Variants in XKR6 observed in about 807,000 individuals in gnomAD.
The protein encoded by XKR6 is XK-related protein 6.
In XKR6, 22 loss-of-function variants were observed where a neutral mutation model predicts 56.7. The ratio of observed to expected loss-of-function variants is 0.39; its 90% CI spans 0.28 to 0.55. XKR6 has a LOEUF of 0.55. Among genes scored for constraint, XKR6 ranks in the 20% least tolerant of loss-of-function variants. The pLI is 0.66. For synonymous variants in XKR6, 524 were observed against 387.8 expected (o/e 1.35, Z -4.13); for missense variants, 852 against 889.0 (o/e 0.96, Z 0.53).
intron 1 of XKR6, 83 bp from the exon 2 acceptor site, chr8:10,924,913 A>T: frequency 7.0e-7 from 1 of 1,430,128 alleles, no homozygotes; most frequent in Admixed American, 2.0e-5. Flanking sequence ...CCTAAAACCA[A>T]GAGACTCAGC....
chr8:10,981,157 C>A (rs1797725685), intron 1 of XKR6, among the ~76,000 whole-genome samples: 2 of 152,198 alleles, frequency 1.3e-5, no homozygotes, highest in Admixed American at 6.5e-5. Flanking sequence ...TGCTAGTGAG[C>A]AAAGGAACAG....
intron 2 of XKR6, among the ~76,000 whole-genome samples, chr8:10,904,031 G>A (rs1038517721): frequency 1.3e-5 from 2 of 152,200 alleles, no homozygotes; most frequent in African/African-American, 4.8e-5. Flanking sequence ...GAAGCCCCCA[G>A]TGAAATTCCT....
At chr8:11,128,540 C>A (rs1366707970) in intron 1 of XKR6, among the ~76,000 whole-genome samples, 1 of 152,206 alleles carries the variant, frequency 6.6e-6, no homozygotes, top group Non-Finnish European at 1.5e-5. Context: ...TTAAGTGGGA[C>A]TGCAGGAAAG....
intron 1 of XKR6, among the ~76,000 whole-genome samples, chr8:11,146,208 A>G (rs917470503): frequency 1.3e-5 from 2 of 152,272 alleles, no homozygotes; most frequent in African/African-American, 4.8e-5. Context: ...GTAATGTAAA[A>G]TGGATCACAG....
chr8:10,997,708 A>C (rs1188324337), intron 1 of XKR6, among the ~76,000 whole-genome samples: 3 of 152,166 alleles, frequency 2.0e-5, no homozygotes, highest in African/African-American at 7.2e-5. Context: ...GCTGGCAACT[A>C]AAACTACTAG....
At position 11,201,387 on chromosome 8, in the gene XKR6, G is replaced by C. The variant is rs765145805; in HGVS notation, c.-48C>G. 2.3e-5 allele frequency: 26 copies of C among 1,123,738 alleles called. No homozygotes were observed. The Admixed American group carries it at 2.8e-4, about 12-fold the overall frequency. 69.6% of individuals were successfully genotyped at this position (1,123,738 alleles called of 1,614,324 possible). A position where few individuals can be genotyped will look rare whatever the true frequency, so the allele number is the denominator to read the frequency against. On this transcript the variant is annotated 5_prime_UTR_variant, in exon 1 of 3. Coordinates refer to ENST00000416569, the MANE Select transcript of XKR6 (RefSeq NM_173683.4). Reference sequence around the variant, plus strand: ...GAGGTTGGGGGGGAGGGACGGCGGGGGGGGGGGGAAGAAGGCAGGGAACGG... The same window carrying C: ...GAGGTTGGGGGGGAGGGACGGCGGGCGGGGGGGGAAGAAGGCAGGGAACGG...
chr8:11,122,149 C>A (rs1322886448), intron 1 of XKR6, among the ~76,000 whole-genome samples: 1 of 152,218 alleles, frequency 6.6e-6, no homozygotes, highest in Non-Finnish European at 1.5e-5. Context: ...CAGTCTCTTT[C>A]AGTGATCTTA....
At chr8:10,945,288 A>G (rs1360426111) in intron 1 of XKR6, among the ~76,000 whole-genome samples, 1 of 152,218 alleles carries the variant, frequency 6.6e-6, no homozygotes, top group Non-Finnish European at 1.5e-5. Context: ...GTTCGACACC[A>G]GCCTGGTCAA....
chr8:10,898,414 G>A lies in XKR6; in HGVS notation c.1464C>T (p.Ile488=), dbSNP rs372480144. 7.4e-5 allele frequency: 119 copies of A among 1,613,850 alleles called. No homozygotes were observed. The highest frequency in any genetic ancestry group is 3.3e-4 in the Middle Eastern group (2 of 6,084). The change falls in exon 3 of 3, where the codon ATC becomes ATT. Residue 488 remains isoleucine, a synonymous_variant. Transcript: ENST00000416569. The surrounding 1 kb of genome is among the most constrained non-coding windows in gnomAD (Gnocchi z 6.6). ...CCVFISFVAG[I]AMMLLYYGVL... is the part of the protein sequence containing the mutation. ...CGCCATAGTATAAGAGCATCATTGC[G>A]ATCCCAGCCACAAAGCTAATAAAGA...
chr8:11,145,447 A>G (rs544285898), intron 1 of XKR6, among the ~76,000 whole-genome samples: 1 of 152,308 alleles, frequency 6.6e-6, no homozygotes, highest in African/African-American at 2.4e-5. Context: ...ACTTATTTGT[A>G]GATGACATGA....
In XKR6 at chr8:11,042,160, A is replaced by T. The variant is rs140752674; in HGVS notation, c.765-117330T>A. 7.3e-3 allele frequency among the ~76,000 whole-genome samples: 1,110 copies of T among 152,142 alleles called. 16 individuals carry two copies. The highest frequency in any genetic ancestry group is 0.026 in the African/African-American group (1,062 of 41,484). ...CCTTCTTCACTCTTCACATCACAGC[A>T]GGACTGTGGCAGTTTATCACAGGTC... is the stretch of plus-strand genomic sequence containing the variant. On this transcript the variant is annotated intron_variant, in intron 1 of 2. Transcript: ENST00000416569.
rs1280815144 is a variant in XKR6 at position 10,897,791 on chromosome 8, TA to T, written c.*160del. On this transcript the variant is annotated 3_prime_UTR_variant, in exon 3 of 3. Transcript: ENST00000416569. ...AAGCTTATTTGAAGGGGTTGTGACT[TA>T]TTAATTCTTTTTTTTTTGTAGTGGT... 5.7e-6 allele frequency: 5 copies of T among 871,710 alleles called. No individual in the cohort carries two copies. The highest frequency in any genetic ancestry group is 8.3e-6 in the Non-Finnish European group (5 of 601,568). 54.0% of individuals were successfully genotyped at this position (871,710 alleles called of 1,614,324 possible). A position where few individuals can be genotyped will look rare whatever the true frequency, so the allele number is the denominator to read the frequency against.
chr8:11,200,502 C>T lies in XKR6; in HGVS notation c.764+74G>A. 2 of 1,367,958 alleles carry T rather than the reference C, an allele frequency of 1.5e-6. No individual in the cohort carries two copies. The highest frequency in any genetic ancestry group is 1.9e-6 in the Non-Finnish European group (2 of 1,068,026). The allele number at this position is 1,367,958 out of a possible 1,614,324, so 84.7% of individuals were successfully genotyped here. A position where few individuals can be genotyped will look rare whatever the true frequency, so the allele number is the denominator to read the frequency against. On this transcript the variant is annotated intron_variant, in intron 1 of 2. Coordinates refer to ENST00000416569, the MANE Select transcript of XKR6 (RefSeq NM_173683.4). The surrounding 1 kb of genome is among the most constrained non-coding windows in gnomAD (Gnocchi z 6.4). ...CCCGCGCTGGGCCCTTTCGAGGGGCCGCCCCGCGAAGCACCGGGAGGGCGG... is the reference window on the plus strand; with the variant it reads ...CCCGCGCTGGGCCCTTTCGAGGGGCTGCCCCGCGAAGCACCGGGAGGGCGG...
At chr8:10,984,732 C>CTCTCTCTCTCTATATATATATA in intron 1 of XKR6, among the ~76,000 whole-genome samples, 64 of 47,458 alleles carry the variant, frequency 1.3e-3, no homozygotes, top group Non-Finnish European at 1.6e-3. Flanking sequence ...CTCTCTCTCT[C>CTCTCTCTCTCTATATATATATA]TATATATATA....
At chr8:11,029,445 G>C (rs1798942452) in intron 1 of XKR6, among the ~76,000 whole-genome samples, 1 of 152,144 alleles carries the variant, frequency 6.6e-6, no homozygotes, top group Non-Finnish European at 1.5e-5. Flanking sequence ...AGGTCATGAG[G>C]ATGTAGCCCC....
intron 1 of XKR6, among the ~76,000 whole-genome samples, chr8:11,141,089 A>C (rs1800672567): frequency 6.6e-6 from 1 of 152,192 alleles, no homozygotes; most frequent in Non-Finnish European, 1.5e-5. Context: ...CGCTAAGTCG[A>C]CATGGTACAA....
intron 1 of XKR6, among the ~76,000 whole-genome samples, chr8:11,059,622 CG>C (rs1799778538): frequency 6.7e-6 from 1 of 148,656 alleles, no homozygotes; most frequent in Non-Finnish European, 1.5e-5. Flanking sequence ...GCTGGGGGCG[CG>C]GGGGGCGCGG....
chr8:10,986,382 T>A (rs887441832), intron 1 of XKR6, among the ~76,000 whole-genome samples: 1 of 152,214 alleles, frequency 6.6e-6, no homozygotes, highest in Non-Finnish European at 1.5e-5. Flanking sequence ...TTTCTAAATA[T>A]AACATGATGC....
chr8:10,898,599 T>C lies in XKR6; in HGVS notation c.1279A>G (p.Ile427Val), dbSNP rs760804545. The C allele has an allele frequency of 1.4e-5, 23 of 1,613,718 alleles. No homozygotes were observed. In the East Asian group the frequency reaches 4.9e-4, roughly 34 times the overall value. Reference sequence around the variant, plus strand: ...TCCTTGACGTTAAACCAGCAGAAAATGTACACGATCCCTACCACCATGTTG... The same window carrying C: ...TCCTTGACGTTAAACCAGCAGAAAACGTACACGATCCCTACCACCATGTTG... ...LFNMVVGIVY[I>V]FCWFNVKEGR... is the part of the protein sequence containing the mutation. Residue 427 changes from isoleucine (I) to valine (V), a missense_variant, in exon 3 of 3, where the codon ATT becomes GTT. Coordinates refer to ENST00000416569, the MANE Select transcript of XKR6 (RefSeq NM_173683.4). The surrounding 1 kb of genome is among the most constrained non-coding windows in gnomAD (Gnocchi z 6.6).
Sources: gnomAD v4.1 joint callset for allele counts (sites outside exome capture counted in the v4.1 genomes callset) on GRCh38, gnomAD v4.1.1 for gene constraint, Gnocchi (gnomAD v3.1) non-coding constraint, MANE v1.5 for transcripts, NCBI Gene and HGNC (gene_info 2026-07-23, HGNC 2026-07-21) for gene names.